The following NT5C2 variants were observed in gnomAD, a reference collection of about 807,000 sequenced individuals.
The protein encoded by NT5C2 is cytosolic purine 5'-nucleotidase.
In NT5C2, 58 loss-of-function variants were observed where a neutral mutation model predicts 76.1. The ratio of observed to expected loss-of-function variants is 0.76; its 90% CI spans 0.62 to 0.95. NT5C2 has a LOEUF of 0.95. Among genes scored for constraint, NT5C2 ranks in the 40% least tolerant of loss-of-function variants. The pLI is 0.00. For synonymous variants in NT5C2, 229 were observed against 237.4 expected (o/e 0.96, Z 0.32); for missense variants, 478 against 690.3 (o/e 0.69, Z 3.45).
At chr10:103,110,262 C>T in intron 4 of NT5C2, among the ~76,000 whole-genome samples, 1 of 152,040 alleles carries the variant, frequency 6.6e-6, no homozygotes, top group East Asian at 1.9e-4. Flanking sequence ...TTGAGACCAC[C>T]CTGGCCAATA....
At chr10:103,193,012 C>CG (rs1328483677) in intron 1 of NT5C2, among the ~76,000 whole-genome samples, 3 of 149,576 alleles carry the variant, frequency 2.0e-5, no homozygotes, top group African/African-American at 4.9e-5. Context: ...TGCCGTGGGG[C>CG]GGGGGCCGCA....
intron 4 of NT5C2, among the ~76,000 whole-genome samples, chr10:103,113,190 A>AT (rs1408676876): frequency 1.3e-5 from 2 of 152,250 alleles, no homozygotes; most frequent in East Asian, 3.8e-4. Flanking sequence ...AGATGTGTAA[A>AT]TAAGTAAAGT....
chr10:103,165,241 C>T (rs2086068589), intron 3 of NT5C2, among the ~76,000 whole-genome samples: 1 of 152,248 alleles, frequency 6.6e-6, no homozygotes, highest in East Asian at 1.9e-4. Context: ...CGCCTGTAAT[C>T]CCAGCATTTT....
chr10:103,090,549 A>C, intron 18 of NT5C2, 62 bp downstream of exon 18: 1 of 1,445,420 alleles, frequency 6.9e-7, no homozygotes, highest in Non-Finnish European at 9.5e-7. Flanking sequence ...CCATCTCACA[A>C]AGGTGGTTGC....
chr10:103,091,054 T>TAAGAC (rs2066693714), intron 16 of NT5C2, 58 bp from the exon 17 acceptor site: 1 of 1,463,864 alleles, frequency 6.8e-7, no homozygotes, highest in African/African-American at 1.4e-5. Flanking sequence ...TTTTATTCTT[T>TAAGAC]AAGACAGTCT....
chr10:103,128,028 A>C (rs1245372864), intron 4 of NT5C2, among the ~76,000 whole-genome samples: 1 of 140,456 alleles, frequency 7.1e-6, no homozygotes, highest in Non-Finnish European at 1.6e-5. Context: ...CAAAAACTGT[A>C]TTTAAAATGA....
rs1352405866 is a variant in NT5C2, at chr10:103,089,902, G to T, written c.1456C>A (p.His486Asn). Residue 486 changes from histidine to asparagine, a missense_variant, in exon 19 of 19, where the codon CAT (histidine) becomes AAT (asparagine). Transcript: ENST00000404739. ...TGTGTGTGCTCCACCGTTGATTCAT[G>T]AGGCATCTAGACAGAAAAAAGCTAG... ...LFRAAHVLMP[H>N]ESTVEHTHVD... 3.1e-6 allele frequency: 5 copies of T among 1,598,172 alleles called. No homozygotes were observed. Among genetic ancestry groups the T allele is most frequent in the African/African-American group, 1.3e-5 (1 of 74,302 alleles).
chr10:103,100,110 A>G (rs1427997616), intron 8 of NT5C2, 91 bp from the exon 9 acceptor site: 3 of 773,212 alleles, frequency 3.9e-6, no homozygotes, highest in Non-Finnish European at 6.7e-6. Flanking sequence ...CAAAGGTTCC[A>G]TATCACATGG....
rs12573221 is a variant in NT5C2 at position 103,089,387 on chromosome 10, A to C, written c.*285T>G. The C allele has an allele frequency of 0.022, 6,982 of 310,428 alleles. 150 individuals are homozygous for C. Among genetic ancestry groups the C allele is most frequent in the South Asian group, 0.11 (924 of 8,594 alleles). The allele number at this position is 310,428 out of a possible 1,614,324, so 19.2% of individuals were successfully genotyped here. On this transcript the variant is annotated 3_prime_UTR_variant, in exon 19 of 19. Coordinates refer to ENST00000404739, the MANE Select transcript of NT5C2 (RefSeq NM_001351169.2). The stretch of plus-strand genomic sequence containing the variant: ...ACACTGACATACGGATGATTTTAAA[A>C]GTGTCACAAGCCACAGTGGAGCCAT...
intron 12 of NT5C2, 89 bp downstream of exon 12, chr10:103,095,850 C>G: frequency 8.2e-7 from 1 of 1,226,174 alleles, no homozygotes; most frequent in Non-Finnish European, 1.2e-6. Flanking sequence ...TGGGTGGGTT[C>G]TGACCAATTC....
At chr10:103,178,438 G>A (rs1385174411) in intron 2 of NT5C2, among the ~76,000 whole-genome samples, 1 of 151,804 alleles carries the variant, frequency 6.6e-6, no homozygotes, top group East Asian at 1.9e-4. Flanking sequence ...CCAGCTACTT[G>A]GGAGGCTGAG....
chr10:103,126,366 G>A (rs1044430339), intron 4 of NT5C2, among the ~76,000 whole-genome samples: 4 of 152,208 alleles, frequency 2.6e-5, no homozygotes, highest in Admixed American at 6.5e-5. Context: ...GCTCACATCT[G>A]TAATCCCAGC....
intron 4 of NT5C2, among the ~76,000 whole-genome samples, chr10:103,130,399 T>G (rs1435283194): frequency 6.6e-6 from 1 of 151,562 alleles, no homozygotes; most frequent in Admixed American, 6.6e-5. Flanking sequence ...TCTCAAGTAA[T>G]CAGGGACACA....
At chr10:103,188,628 G>C (rs1427910346) in intron 1 of NT5C2, among the ~76,000 whole-genome samples, 1 of 152,200 alleles carries the variant, frequency 6.6e-6, no homozygotes, top group Admixed American at 6.5e-5. Flanking sequence ...TATGGGTCCA[G>C]ATTCTGTAGA....
chr10:103,132,935 G>T (rs1056541072), intron 4 of NT5C2, among the ~76,000 whole-genome samples: 1 of 152,130 alleles, frequency 6.6e-6, no homozygotes, highest in African/African-American at 2.4e-5. Flanking sequence ...CAATGTGAAT[G>T]AATCATAAAA....
chr10:103,106,249 T>C (rs575663266), intron 5 of NT5C2, among the ~76,000 whole-genome samples: 19 of 152,352 alleles, frequency 1.2e-4, no homozygotes, highest in African/African-American at 4.6e-4. Flanking sequence ...GCTTCTATCA[T>C]GTTAAGTGTA....
chr10:103,192,469 G>A (rs1564684725), intron 1 of NT5C2, among the ~76,000 whole-genome samples: 2 of 152,220 alleles, frequency 1.3e-5, no homozygotes, highest in Non-Finnish European at 2.9e-5. Flanking sequence ...CTTAAACTAA[G>A]GGTTCAGGCC....
intron 3 of NT5C2, among the ~76,000 whole-genome samples, chr10:103,156,173 T>A (rs1292967960): frequency 1.3e-5 from 2 of 151,104 alleles, no homozygotes; most frequent in Admixed American, 6.6e-5. Context: ...GAAAAAAAAA[T>A]TTTTTTGAGG....
intron 2 of NT5C2, among the ~76,000 whole-genome samples, chr10:103,180,329 G>A (rs1004320290): frequency 6.6e-6 from 1 of 152,210 alleles, no homozygotes; most frequent in African/African-American, 2.4e-5. Context: ...AAGCACTCTG[G>A]AAAAGTTTGC....
Sources: allele counts gnomAD v4.1 joint callset (sites outside exome capture counted in the v4.1 genomes callset), GRCh38; gene constraint gnomAD v4.1.1; transcripts MANE v1.5; gene names NCBI Gene and HGNC (gene_info 2026-07-23, HGNC 2026-07-21).